Variants in XRCC4 observed in about 807,000 individuals in gnomAD.
XRCC4 encodes the protein X-ray repair cross complementing 4, also known as DNA repair protein XRCC4.
Under a neutral mutation model 39.1 loss-of-function variants are expected in XRCC4, and 28 were observed. That is an observed-to-expected ratio of 0.72 (90% CI 0.53 to 0.98). XRCC4 has a LOEUF of 0.98. Among genes scored for constraint, XRCC4 ranks in the 50% least tolerant of loss-of-function variants. The probability of loss-of-function intolerance (pLI) is 0.00; values close to 1 mark genes in which losing one functional copy is unlikely to be tolerated. For synonymous variants in XRCC4, 123 were observed against 126.4 expected (o/e 0.97, Z 0.18); for missense variants, 350 against 376.4 (o/e 0.93, Z 0.58).
intron 6 of XRCC4, among the ~76,000 whole-genome samples, chr5:83,239,828 CAA>C (rs574747230): frequency 4.1e-5 from 5 of 121,550 alleles, no homozygotes; most frequent in African/African-American, 5.9e-5. Flanking sequence ...GACTCTGTCT[CAA>C]AAAAAAAAAA....
At chr5:83,326,005 G>A (rs1006030325) in intron 7 of XRCC4, among the ~76,000 whole-genome samples, 17 of 151,724 alleles carry the variant, frequency 1.1e-4, no homozygotes, top group African/African-American at 3.9e-4. Context: ...ATTCTGACTA[G>A]CATGAGATGG....
intron 7 of XRCC4, among the ~76,000 whole-genome samples, chr5:83,345,578 A>T (rs1209965427): frequency 1.3e-5 from 2 of 152,120 alleles, no homozygotes; most frequent in African/African-American, 4.8e-5. Context: ...ATTTTCCCAG[A>T]TCTCTCTGTT....
At position 83,281,840 on chromosome 5, in the gene XRCC4, A is replaced by G. The variant is rs16900281; in HGVS notation, c.893+23163A>G. ...GCCCTTTTCATTTCTTTGTCTCACTAAAAGTGCCAAGTAACAAAGGTATTC... is the reference window on the plus strand; with the variant it reads ...GCCCTTTTCATTTCTTTGTCTCACTGAAAGTGCCAAGTAACAAAGGTATTC... On this transcript the variant is annotated intron_variant, in intron 7 of 7. Transcript: ENST00000396027. 4.5e-3 allele frequency among the ~76,000 whole-genome samples: 682 copies of G among 152,294 alleles called. 2 individuals carry two copies. Among genetic ancestry groups the G allele is most frequent in the African/African-American group, 0.016 (651 of 41,558 alleles).
intron 6 of XRCC4, among the ~76,000 whole-genome samples, chr5:83,226,154 A>C (rs1229088620): frequency 6.6e-6 from 1 of 152,112 alleles, no homozygotes; most frequent in Non-Finnish European, 1.5e-5. Flanking sequence ...TATATGTGCT[A>C]GTTCCCTCTG....
intron 1 of XRCC4, among the ~76,000 whole-genome samples, chr5:83,104,244 T>C (rs774404706): frequency 1.3e-5 from 2 of 152,146 alleles, no homozygotes; most frequent in Non-Finnish European, 2.9e-5. Flanking sequence ...GAGATTTTTT[T>C]TCCCCCATTG....
chr5:83,088,478 G>A (rs1054104573), intron 1 of XRCC4, among the ~76,000 whole-genome samples: 3 of 152,130 alleles, frequency 2.0e-5, no homozygotes, highest in African/African-American at 4.8e-5. Flanking sequence ...GTTGATTTCA[G>A]TTCGTTATTT....
chr5:83,157,319 G>A (rs1350419979), intron 3 of XRCC4, among the ~76,000 whole-genome samples: 1 of 152,002 alleles, frequency 6.6e-6, no homozygotes, highest in Non-Finnish European at 1.5e-5. Flanking sequence ...ACTCTGTTCT[G>A]CCTATTGTCG....
intron 3 of XRCC4, among the ~76,000 whole-genome samples, chr5:83,115,249 G>A (rs192147914): frequency 6.6e-6 from 1 of 152,084 alleles, no homozygotes; most frequent in African/African-American, 2.4e-5. Flanking sequence ...CCAACATGGA[G>A]AAACCCCGTC....
intron 3 of XRCC4, among the ~76,000 whole-genome samples, chr5:83,116,371 G>T: frequency 6.6e-6 from 1 of 152,002 alleles, no homozygotes; most frequent in East Asian, 1.9e-4. Context: ...CAGGGTTTTA[G>T]GCATTTATTG....
intron 3 of XRCC4, among the ~76,000 whole-genome samples, chr5:83,131,873 C>G (rs1213514734): frequency 1.3e-5 from 2 of 152,074 alleles, no homozygotes; most frequent in Non-Finnish European, 2.9e-5. Context: ...GCATTTAGCC[C>G]ATTTACATTT....
the XRCC4 span, among the ~76,000 whole-genome samples, chr5:83,362,910 G>A: frequency 6.6e-6 from 1 of 152,224 alleles, no homozygotes; most frequent in African/African-American, 2.4e-5. Flanking sequence ...AAGTCCTAAA[G>A]TGTATGTATG....
At chr5:83,215,468 T>C (rs779303348) in intron 6 of XRCC4, among the ~76,000 whole-genome samples, 9 of 152,186 alleles carry the variant, frequency 5.9e-5, no homozygotes, top group Non-Finnish European at 1.2e-4. Context: ...AAAACTTATA[T>C]AGAATTTCAA....
intron 7 of XRCC4, among the ~76,000 whole-genome samples, chr5:83,347,516 A>G (rs572556406): frequency 6.6e-6 from 1 of 152,268 alleles, no homozygotes; most frequent in East Asian, 1.9e-4. Flanking sequence ...CTTTTAAACA[A>G]TGAGATCTCA....
At chr5:83,196,841 G>A (rs921846724) in intron 4 of XRCC4, among the ~76,000 whole-genome samples, 7 of 151,638 alleles carry the variant, frequency 4.6e-5, no homozygotes, top group African/African-American at 9.7e-5. Context: ...TCTTTTTAGC[G>A]CAACCATTGT....
chr5:83,131,607 G>T (rs996950066), intron 3 of XRCC4, among the ~76,000 whole-genome samples: 4 of 152,066 alleles, frequency 2.6e-5, no homozygotes, highest in Non-Finnish European at 5.9e-5. Flanking sequence ...TCTTCTTGTT[G>T]AATTGGTGCC....
chr5:83,162,961 T>C (rs1480677448), intron 3 of XRCC4, among the ~76,000 whole-genome samples: 1 of 151,364 alleles, frequency 6.6e-6, no homozygotes. Context: ...TCTTTTTTTT[T>C]TTTGAGACAG....
chr5:83,321,558 G>A (rs560654447), intron 7 of XRCC4, among the ~76,000 whole-genome samples: 199 of 152,164 alleles, frequency 1.3e-3, no homozygotes, highest in African/African-American at 4.6e-3. Context: ...ATATTAATAA[G>A]GTGAATATGT....
Position 83,134,207 on chromosome 5 carries a change from G to A in XRCC4, c.315+23004G>A, listed in dbSNP as rs575519155. On this transcript the variant is annotated intron_variant, in intron 3 of 7. Coordinates refer to ENST00000396027, the MANE Select transcript of XRCC4 (RefSeq NM_003401.5). ...TGGAACGAGCTCCCTCTGGGCTGCC[G>A]GAGTGTCCGGGGTAGGTGCCGCAAA... Among the ~76,000 whole-genome samples the A allele has an allele frequency of 1.8e-4, 27 of 152,256 alleles. No individual in the cohort carries two copies. In the East Asian group the frequency reaches 4.1e-3, roughly 23 times the overall value.
In XRCC4 at chr5:83,104,992, G is replaced by A. The variant is rs1288681786; in HGVS notation, c.73G>A (p.Glu25Lys). The A allele has an allele frequency of 1.9e-6, 3 of 1,613,518 alleles. No homozygotes were observed. Among genetic ancestry groups the A allele is most frequent in the Non-Finnish European group, 2.5e-6 (3 of 1,179,692 alleles). ...AACTCATTTTCTACAAGTATCTTGG[G>A]AGAAAACACTGGAATCTGGTTTTGT... ...SITHFLQVSW[E>K]KTLESGFVIT... The change falls in exon 2 of 8, where the codon GAG (glutamate) becomes AAG (lysine). Residue 25 changes from glutamate (E) to lysine (K), a missense_variant. By Grantham distance (56) the Glu-to-Lys change is moderately conservative. Coordinates refer to ENST00000396027, the MANE Select transcript of XRCC4 (RefSeq NM_003401.5).
Sources: gnomAD v4.1 joint callset for allele counts (sites outside exome capture counted in the v4.1 genomes callset) on GRCh38, gnomAD v4.1.1 for gene constraint, MANE v1.5 for transcripts, NCBI Gene and HGNC (gene_info 2026-07-23, HGNC 2026-07-21) for gene names.